NRXN1: variants seen among roughly 807,000 people sequenced by gnomAD.
NRXN1 encodes neurexin-1.
NRXN1 carries 39 observed loss-of-function variants against 150.9 expected under a neutral mutation model. That is an observed-to-expected ratio of 0.26 (90% CI 0.20 to 0.34). NRXN1 has a LOEUF of 0.34. Ranked by LOEUF, NRXN1 falls within the 10% of genes least tolerant of loss-of-function variation. NRXN1 has a pLI of 1.00. For synonymous variants in NRXN1, 924 were observed against 757.0 expected (o/e 1.22, Z -3.62); for missense variants, 1,815 against 1,949.9 (o/e 0.93, Z 1.30).
At chr2:50,019,193 A>G (rs1394864047) in intron 21 of NRXN1, 5 of 471,280 alleles carry the variant, frequency 1.1e-5, no homozygotes, top group Non-Finnish European at 1.8e-5. Flanking sequence ...ACATGTATTC[A>G]GCCCTAGCCG....
chr2:50,006,302 C>T (rs1388801773), intron 21 of NRXN1, among the ~76,000 whole-genome samples: 1 of 152,110 alleles, frequency 6.6e-6, no homozygotes, highest in Non-Finnish European at 1.5e-5. Flanking sequence ...TGCTCAGCTT[C>T]TAGTCTCTCC....
chr2:50,077,276 T>C (rs888840359), intron 19 of NRXN1, among the ~76,000 whole-genome samples: 4 of 152,158 alleles, frequency 2.6e-5, no homozygotes, highest in African/African-American at 9.7e-5. Flanking sequence ...GTTTGGAATT[T>C]TGGATGAGTT....
At chr2:50,409,711 T>C (rs2083008046) in intron 17 of NRXN1, among the ~76,000 whole-genome samples, 1 of 152,180 alleles carries the variant, frequency 6.6e-6, no homozygotes, top group Admixed American at 6.5e-5. Context: ...GTTTCCCAGA[T>C]GATGAAATTT....
intron 5 of NRXN1, among the ~76,000 whole-genome samples, chr2:50,910,788 T>C (rs1684407362): frequency 6.6e-6 from 1 of 151,920 alleles, no homozygotes; most frequent in Non-Finnish European, 1.5e-5. Context: ...ACTGAATATA[T>C]ACTGCTAACA....
intron 17 of NRXN1, among the ~76,000 whole-genome samples, chr2:50,369,813 G>A (rs751238442): frequency 5.4e-4 from 82 of 151,930 alleles, no homozygotes; most frequent in Non-Finnish European, 1.2e-4. Context: ...CTGAATGTAC[G>A]GAGACTGGTC....
At chr2:50,837,076 A>G (rs1262142196) in intron 5 of NRXN1, among the ~76,000 whole-genome samples, 3 of 152,144 alleles carry the variant, frequency 2.0e-5, no homozygotes, top group Admixed American at 6.5e-5. Context: ...GCTCTTTAAA[A>G]TAAAACCTAC....
Position 49,956,606 on chromosome 2 carries a change from T to C in NRXN1, c.4129-12815A>G, listed in dbSNP as rs543400100. Among the ~76,000 whole-genome samples, 4 of 152,226 alleles carry C rather than the reference T, an allele frequency of 2.6e-5. No individual in the cohort carries two copies. The East Asian group carries it at 7.7e-4, about 29-fold the overall frequency. On this transcript the variant is annotated intron_variant, in intron 21 of 22. Coordinates refer to ENST00000401669, the MANE Select transcript of NRXN1 (RefSeq NM_001330078.2). ...TAGCAAGAAAAGTCCAAGGAGCAAATGCTGTTTGACTCTAACCAACATACC... is the reference window on the plus strand; with the variant it reads ...TAGCAAGAAAAGTCCAAGGAGCAAACGCTGTTTGACTCTAACCAACATACC...
chr2:50,431,893 A>G (rs6545169), intron 17 of NRXN1, among the ~76,000 whole-genome samples: 78,950 of 151,852 alleles, frequency 0.52, 23,036 homozygotes, highest in East Asian at 0.92. Context: ...GCACTTTCAT[A>G]TAGTAAGGCA....
intron 12 of NRXN1, among the ~76,000 whole-genome samples, chr2:50,507,697 T>A (rs2092297757): frequency 6.6e-6 from 1 of 151,416 alleles, no homozygotes; most frequent in South Asian, 2.1e-4. Flanking sequence ...TATTTTTATT[T>A]AAAAAATAAG....
At chr2:50,359,491 CAGA>C (rs1168562416) in intron 17 of NRXN1, among the ~76,000 whole-genome samples, 1 of 150,994 alleles carries the variant, frequency 6.6e-6, no homozygotes, top group Admixed American at 6.6e-5. Context: ...AACTATCAAG[CAGA>C]AGAAGGGATA....
rs1206567794 is a variant in NRXN1 at position 50,389,166 on chromosome 2, GACA to G, written c.3364+76273_3364+76275del. Among the ~76,000 whole-genome samples, 3 of 151,492 alleles carry G rather than the reference GACA, an allele frequency of 2.0e-5. No individual in the cohort carries two copies. The East Asian group carries it at 5.8e-4, about 29-fold the overall frequency. On this transcript the variant is annotated intron_variant, in intron 17 of 22. Coordinates refer to ENST00000401669, the MANE Select transcript of NRXN1 (RefSeq NM_001330078.2). ...GACACAGAGCGAGGCCCTGTCTCAA[GACA>G]ACAACAACAAAACACCAAAAATAAA...
intron 17 of NRXN1, among the ~76,000 whole-genome samples, chr2:50,322,534 A>G (rs2076116201): frequency 6.6e-6 from 1 of 152,190 alleles, no homozygotes; most frequent in African/African-American, 2.4e-5. Context: ...TTTTAGAATG[A>G]TGCTACTCTG....
intron 13 of NRXN1, among the ~76,000 whole-genome samples, chr2:50,504,802 C>T (rs932022458): frequency 2.0e-5 from 3 of 152,198 alleles, no homozygotes; most frequent in African/African-American, 4.8e-5. Flanking sequence ...TCATTGGCCT[C>T]AAAAGGCCAT....
chr2:50,293,404 A>G (rs1417716809), intron 17 of NRXN1, among the ~76,000 whole-genome samples: 6 of 152,294 alleles, frequency 3.9e-5, no homozygotes, highest in Admixed American at 3.9e-4. Flanking sequence ...CAAGCCTTAC[A>G]TCATGCTACC....
chr2:50,034,638 C>G (rs1168216636), intron 21 of NRXN1, among the ~76,000 whole-genome samples: 1 of 151,922 alleles, frequency 6.6e-6, no homozygotes, highest in African/African-American at 2.4e-5. Context: ...TACCCCTGAA[C>G]TTAAAATAAA....
At chr2:50,842,502 G>C (rs1673020136) in intron 5 of NRXN1, among the ~76,000 whole-genome samples, 2 of 152,108 alleles carry the variant, frequency 1.3e-5, no homozygotes, top group Admixed American at 6.6e-5. Flanking sequence ...TGGGATCCAA[G>C]TCAAAATTAT....
In NRXN1 at chr2:50,705,076, A is replaced by ACC. The variant is rs1553996242; in HGVS notation, c.833-81463_833-81462dup. Among the ~76,000 whole-genome samples, 13 of 150,964 alleles carry ACC rather than the reference A, an allele frequency of 8.6e-5. No individual in the cohort carries two copies. In the South Asian group the frequency reaches 1.0e-3, roughly 12 times the overall value. On this transcript the variant is annotated intron_variant, in intron 5 of 22. Transcript: ENST00000401669. ...CACACACACACACACACACACACACACCCATCCCCAGGAACTGCCGATTTC... is the reference window on the plus strand; with the variant it reads ...CACACACACACACACACACACACACACCCCCATCCCCAGGAACTGCCGATTTC...
chr2:51,023,671 G>T (rs1339866088), intron 2 of NRXN1, among the ~76,000 whole-genome samples: 1 of 152,180 alleles, frequency 6.6e-6, no homozygotes, highest in Non-Finnish European at 1.5e-5. Context: ...TGAGGTCTAT[G>T]AAAGTAATAA....
intron 8 of NRXN1, among the ~76,000 whole-genome samples, chr2:50,573,452 T>C (rs1290013354): frequency 1.3e-5 from 2 of 152,126 alleles, no homozygotes; most frequent in African/African-American, 4.8e-5. Context: ...ATCTCATTTC[T>C]AAGTCTATGT....
Sources: allele counts gnomAD v4.1 joint callset (sites outside exome capture counted in the v4.1 genomes callset), GRCh38; gene constraint gnomAD v4.1.1; transcripts MANE v1.5; gene names NCBI Gene and HGNC (gene_info 2026-07-23, HGNC 2026-07-21).